NCKAP5: variants seen among roughly 807,000 people sequenced by gnomAD.
NCKAP5 encodes nck-associated protein 5.
NCKAP5 carries 92 observed loss-of-function variants against 167.0 expected under a neutral mutation model. The observed-to-expected ratio is 0.55, with a 90% CI of 0.47 to 0.66. The LOEUF (loss-of-function observed/expected upper bound fraction) is 0.66. NCKAP5 is among the 30% of genes least tolerant of loss of function. The pLI is 0.00. For synonymous variants in NCKAP5, 891 were observed against 877.4 expected, an observed-to-expected ratio of 1.02 and a Z score of -0.27; for missense variants, 2,378 against 2,315.0, an observed-to-expected ratio of 1.03 and a Z score of -0.56.
chr2:133,097,277 GT>G (rs1205666509), intron 6 of NCKAP5, among the ~76,000 whole-genome samples: 1 of 152,164 alleles, frequency 6.6e-6, no homozygotes, highest in Non-Finnish European at 1.5e-5. Context: ...GGATGCTAAA[GT>G]GAGAGACAAA....
chr2:133,653,820 T>C, the NCKAP5 span, among the ~76,000 whole-genome samples: 1 of 152,204 alleles, frequency 6.6e-6, no homozygotes, highest in Non-Finnish European at 1.5e-5. Flanking sequence ...TGTTTTTGTC[T>C]ACGGAGAAAA....
At chr2:133,204,348 A>C (rs1003479916) in intron 5 of NCKAP5, among the ~76,000 whole-genome samples, 11 of 152,222 alleles carry the variant, frequency 7.2e-5, no homozygotes, top group Non-Finnish European at 1.6e-4. Flanking sequence ...CAAAACATTA[A>C]ATAAATGGAC....
At chr2:133,480,854 C>G (rs1439612068) in intron 3 of NCKAP5, among the ~76,000 whole-genome samples, 4 of 152,086 alleles carry the variant, frequency 2.6e-5, no homozygotes, top group Non-Finnish European at 4.4e-5. Flanking sequence ...ACAAGATTCC[C>G]AAACTGTCCT....
intron 7 of NCKAP5, among the ~76,000 whole-genome samples, chr2:132,973,974 C>T (rs2076906584): frequency 6.6e-6 from 1 of 152,170 alleles, no homozygotes; most frequent in African/African-American, 2.4e-5. Context: ...ATTCACTCAT[C>T]TATTTTTATT....
intron 5 of NCKAP5, among the ~76,000 whole-genome samples, chr2:133,146,657 C>T (rs1293636346): frequency 6.6e-6 from 1 of 152,086 alleles, no homozygotes; most frequent in Non-Finnish European, 1.5e-5. Flanking sequence ...CACCAACATG[C>T]ACCAAGTATA....
chr2:133,153,115 A>G (rs768041360), intron 5 of NCKAP5, among the ~76,000 whole-genome samples: 3 of 152,194 alleles, frequency 2.0e-5, no homozygotes, highest in Admixed American at 6.5e-5. Flanking sequence ...GTGATTTCCA[A>G]TGGTTCAGAG....
At chr2:133,647,520 AGGAAAGGAAAGGAAAGGAG>A in the NCKAP5 span, among the ~76,000 whole-genome samples, 6,660 of 129,766 alleles carry the variant, frequency 0.051, 261 homozygotes, top group Non-Finnish European at 0.076. Flanking sequence ...AGGAAAGGAA[AGGAAAGGAAAGGAAAGGAG>A]GGAGGGAGGG....
intron 19 of NCKAP5, among the ~76,000 whole-genome samples, chr2:132,676,503 T>A (rs1248796068): frequency 1.3e-5 from 2 of 152,186 alleles, no homozygotes; most frequent in East Asian, 3.9e-4. Context: ...TGAAGTGGCT[T>A]ACTTTTCTGC....
intron 3 of NCKAP5, among the ~76,000 whole-genome samples, chr2:133,393,929 TAG>T (rs1297373759): frequency 1.3e-5 from 2 of 152,218 alleles, no homozygotes; most frequent in African/African-American, 4.8e-5. Flanking sequence ...CTGTGACTGC[TAG>T]AAACCATGAC....
At chr2:133,543,276 G>A (rs772957282) in intron 2 of NCKAP5, among the ~76,000 whole-genome samples, 10 of 152,024 alleles carry the variant, frequency 6.6e-5, no homozygotes, top group Non-Finnish European at 1.5e-4. Flanking sequence ...CACCATGATT[G>A]TAAGCTCCTG....
At position 133,199,851 on chromosome 2, in the gene NCKAP5, A is replaced by G. The variant is rs1244795621; in HGVS notation, c.207+13865T>C. 2.0e-5 allele frequency among the ~76,000 whole-genome samples: 3 copies of G among 152,006 alleles called. 1 individual carries two copies. In the East Asian group the frequency reaches 5.8e-4, roughly 29 times the overall value. ...TGTGTGTATATTTATACAATGAACT[A>G]CTAATCAGCAACTAAAGGAAGGAAC... On this transcript the variant is annotated intron_variant, in intron 5 of 19. Coordinates refer to ENST00000409261, the MANE Select transcript of NCKAP5 (RefSeq NM_207363.3).
rs1683412412 is a variant in NCKAP5 at position 132,784,888 on chromosome 2, A to G, written c.1923T>C (p.Pro641=). Residue 641 remains proline, a synonymous_variant, in exon 14 of 20, where the codon CCT becomes CCC. Coordinates refer to ENST00000409261, the MANE Select transcript of NCKAP5 (RefSeq NM_207363.3). ...TAAAAGTCTTTGGCCTAGTCTCTGA[A>G]GGGATGGGCACTTGTTTTTCCTCCT... ...PEEEEKQVPI[P]SETRPKTFSF... 6.4e-7 allele frequency: 1 copy of G among 1,565,184 alleles called. No individual in the cohort carries two copies. The highest frequency in any genetic ancestry group is 8.6e-7 in the Non-Finnish European group (1 of 1,157,150).
intron 3 of NCKAP5, among the ~76,000 whole-genome samples, chr2:133,340,965 A>G (rs953817597): frequency 6.6e-6 from 1 of 152,202 alleles, no homozygotes; most frequent in Non-Finnish European, 1.5e-5. Context: ...CTTAGGTACT[A>G]TTCTAGTCAC....
intron 11 of NCKAP5, 136 bp downstream of exon 11, chr2:132,860,356 T>C (rs1257585388): frequency 3.8e-6 from 4 of 1,046,964 alleles, no homozygotes; most frequent in African/African-American, 1.6e-5. Flanking sequence ...TTTAATGACA[T>C]AACTTGAGAA....
At chr2:133,517,235 GAC>G (rs1174256034) in intron 3 of NCKAP5, among the ~76,000 whole-genome samples, 1 of 152,144 alleles carries the variant, frequency 6.6e-6, no homozygotes, top group African/African-American at 2.4e-5. Flanking sequence ...ATATAATGTT[GAC>G]AGATTATGAC....
intron 8 of NCKAP5, among the ~76,000 whole-genome samples, chr2:132,935,579 G>A (rs529541816): frequency 6.6e-5 from 10 of 152,254 alleles, no homozygotes; most frequent in African/African-American, 2.2e-4. Context: ...GTTCAGGGGC[G>A]AGTCTATCAC....
chr2:132,829,340 G>T (rs1480424902), intron 11 of NCKAP5, among the ~76,000 whole-genome samples: 1 of 152,100 alleles, frequency 6.6e-6, no homozygotes, highest in Non-Finnish European at 1.5e-5. Context: ...TGGGGGAAAT[G>T]AATGAGATGA....
chr2:132,719,603 G>A (rs1689716004), intron 19 of NCKAP5, among the ~76,000 whole-genome samples: 1 of 152,230 alleles, frequency 6.6e-6, no homozygotes, highest in African/African-American at 2.4e-5. Context: ...CATTTAAGGG[G>A]CACGAGACTG....
chr2:133,552,312 A>T (rs1445081357), intron 2 of NCKAP5, among the ~76,000 whole-genome samples: 1 of 112,296 alleles, frequency 8.9e-6, no homozygotes, highest in Non-Finnish European at 1.8e-5. Flanking sequence ...TTATTGCGGC[A>T]TTATTCACAA....
Sources: gnomAD v4.1 joint callset for allele counts (sites outside exome capture counted in the v4.1 genomes callset) on GRCh38, gnomAD v4.1.1 for gene constraint, MANE v1.5 for transcripts, NCBI Gene and HGNC (gene_info 2026-07-23, HGNC 2026-07-21) for gene names.